The following RIPK1 variants were observed in gnomAD, a reference collection of about 807,000 sequenced individuals.
RIPK1 encodes receptor-interacting serine/threonine-protein kinase 1.
RIPK1 carries 27 observed loss-of-function variants against 62.4 expected under a neutral mutation model. The observed-to-expected ratio is 0.43, with a 90% CI of 0.32 to 0.60. The LOEUF is 0.60. RIPK1 is among the 20% of genes least tolerant of loss of function. RIPK1 has a pLI of 0.07. For missense variants in RIPK1, 735 were observed against 831.0 expected (o/e 0.88, Z 1.42); for synonymous variants, 287 against 303.2 (o/e 0.95, Z 0.55).
At chr6:3,108,381 C>T (rs569471282) in intron 9 of RIPK1, among the ~76,000 whole-genome samples, 42 of 152,242 alleles carry the variant, frequency 2.8e-4, no homozygotes, top group African/African-American at 8.9e-4. Flanking sequence ...GTATTGCATT[C>T]GTTTCTCCAC....
intron 1 of RIPK1, among the ~76,000 whole-genome samples, chr6:3,069,085 C>G (rs1464521653): frequency 1.3e-5 from 2 of 152,226 alleles, no homozygotes; most frequent in Non-Finnish European, 2.9e-5. Flanking sequence ...GGACTGGTAG[C>G]GGGCGGAGAC....
intron 2 of RIPK1, among the ~76,000 whole-genome samples, chr6:3,077,414 C>T (rs1308900072): frequency 6.6e-6 from 1 of 151,408 alleles, no homozygotes; most frequent in African/African-American, 2.4e-5. Context: ...AGAGTGGTTT[C>T]ACCTCTCTCC....
intron 1 of RIPK1, among the ~76,000 whole-genome samples, chr6:3,074,308 A>C (rs949685902): frequency 6.6e-6 from 1 of 152,228 alleles, no homozygotes; most frequent in Non-Finnish European, 1.5e-5. Context: ...CTTTTGTATA[A>C]GGCGACTTTC....
chr6:3,113,350 G>C lies in RIPK1; in HGVS notation c.*11G>C. 6.2e-7 allele frequency: 1 copy of C among 1,607,558 alleles called. No individual in the cohort carries two copies. Among genetic ancestry groups the C allele is most frequent in the Non-Finnish European group, 8.5e-7 (1 of 1,176,058 alleles). ...GTCAGCCAGAACTAACCCTGGATGG[G>C]CTACGGCAGCTGAAGTGGACGCCTC... On this transcript the variant is annotated 3_prime_UTR_variant, in exon 11 of 11. Transcript: ENST00000259808. The surrounding 1 kb of genome is among the most constrained non-coding windows in gnomAD (Gnocchi z 5.0).
chr6:3,089,891 C>G (rs901060782), intron 7 of RIPK1, among the ~76,000 whole-genome samples: 2 of 152,180 alleles, frequency 1.3e-5, no homozygotes, highest in African/African-American at 4.8e-5. Flanking sequence ...AAAACAAAAG[C>G]ACAATGTCAC....
Position 3,099,444 on chromosome 6 carries a change from T to C in RIPK1, c.916-4781T>C, listed in dbSNP as rs371416052. ...CTGCAGTCCCAGCTACTTGGGAGGC[T>C]GAGGCAGGAGAATGGTGTGAACCCA... On this transcript the variant is annotated intron_variant, in intron 7 of 10. Coordinates refer to ENST00000259808, the MANE Select transcript of RIPK1 (RefSeq NM_001354930.2). 5.3e-5 allele frequency among the ~76,000 whole-genome samples: 8 copies of C among 152,124 alleles called. No individual in the cohort carries two copies. In the East Asian group the frequency reaches 1.3e-3, roughly 26 times the overall value.
rs1416930998 is a variant in RIPK1 at position 3,095,399 on chromosome 6, TAC to T, written c.915+5744_915+5745del. On this transcript the variant is annotated intron_variant, in intron 7 of 10. Coordinates refer to ENST00000259808, the MANE Select transcript of RIPK1 (RefSeq NM_001354930.2). ...CAATGAAGAAATTATGTCAATCTTA[TAC>T]AGTTTTCTCTAGATAATAGAGAAGA... is the stretch of plus-strand genomic sequence containing the variant. Among the ~76,000 whole-genome samples the T allele has an allele frequency of 2.6e-5, 4 of 152,220 alleles. No homozygotes were observed. In the East Asian group the frequency reaches 5.8e-4, roughly 22 times the overall value.
chr6:3,081,845 A>G (rs1759399107), intron 4 of RIPK1, among the ~76,000 whole-genome samples: 1 of 113,600 alleles, frequency 8.8e-6, no homozygotes, highest in Non-Finnish European at 1.7e-5. Flanking sequence ...GGGCAACAAG[A>G]GCGAAACTCT....
intron 7 of RIPK1, among the ~76,000 whole-genome samples, chr6:3,098,095 A>C (rs749837434): frequency 3.3e-5 from 5 of 152,186 alleles, no homozygotes; most frequent in African/African-American, 4.8e-5. Flanking sequence ...GCTACTCAGG[A>C]GGCTGAGATG....
chr6:3,087,156 TTGTC>T lies in RIPK1; in HGVS notation c.838+1750_838+1753del, dbSNP rs1457075858. 3.3e-5 allele frequency among the ~76,000 whole-genome samples: 5 copies of T among 152,332 alleles called. No homozygotes were observed. The East Asian group carries it at 9.6e-4, about 29-fold the overall frequency. On this transcript the variant is annotated intron_variant, in intron 6 of 10. Coordinates refer to ENST00000259808, the MANE Select transcript of RIPK1 (RefSeq NM_001354930.2). ...TTTTTCTCTTGCTGCTTTCAAGACT[TTGTC>T]TTTATTTTTCAGAGATTTAGTTGTT...
intron 7 of RIPK1, among the ~76,000 whole-genome samples, chr6:3,099,831 A>G (rs1038212421): frequency 2.0e-5 from 3 of 152,240 alleles, no homozygotes; most frequent in African/African-American, 7.2e-5. Flanking sequence ...CCACAAGCCC[A>G]TAAGTTTGGC....
chr6:3,086,981 C>G (rs1483617638), intron 6 of RIPK1, among the ~76,000 whole-genome samples: 1 of 152,220 alleles, frequency 6.6e-6, no homozygotes, highest in Non-Finnish European at 1.5e-5. Context: ...TAGGTGCTAC[C>G]TGCCATGAAC....
chr6:3,065,919 A>T (rs927564661), upstream of RIPK1, among the ~76,000 whole-genome samples: 1 of 152,238 alleles, frequency 6.6e-6, no homozygotes, highest in Non-Finnish European at 1.5e-5. Context: ...ATGAAGCAAA[A>T]ACAACGCATT....
At chr6:3,109,862 C>G (rs1000126978) in intron 9 of RIPK1, among the ~76,000 whole-genome samples, 4 of 152,188 alleles carry the variant, frequency 2.6e-5, no homozygotes, top group African/African-American at 9.7e-5. Flanking sequence ...GTCTAGGTAC[C>G]TCATGTGAGT....
chr6:3,068,242 G>C (rs999167847), upstream of RIPK1: 1 of 985,416 alleles, frequency 1.0e-6, no homozygotes, highest in Non-Finnish European at 1.2e-6. Flanking sequence ...GAATCCTCCG[G>C]ATAGCGCCCC....
intron 1 of RIPK1, among the ~76,000 whole-genome samples, chr6:3,075,415 C>G (rs568158245): frequency 6.6e-6 from 1 of 152,342 alleles, no homozygotes; most frequent in South Asian, 2.1e-4. Flanking sequence ...GATGGACATT[C>G]TCCAAATTCT....
Position 3,079,722 on chromosome 6 carries a change from G to A in RIPK1, c.322-1257G>A, listed in dbSNP as rs1322225240. Among the ~76,000 whole-genome samples the A allele has an allele frequency of 2.0e-5, 3 of 152,354 alleles. No individual in the cohort carries two copies. The East Asian group carries it at 5.8e-4, about 29-fold the overall frequency. On this transcript the variant is annotated intron_variant, in intron 3 of 10. Coordinates refer to ENST00000259808, the MANE Select transcript of RIPK1 (RefSeq NM_001354930.2). ...ATCTCACAAAAATACCCTTGGGAAG[G>A]AGAAGAGGTGATCACTTATACGCAT...
rs371774157 is a variant in RIPK1, at chr6:3,087,688, C to T, written c.839-1893C>T. 1.3e-3 allele frequency among the ~76,000 whole-genome samples: 195 copies of T among 152,030 alleles called. 6 individuals carry two copies. The highest frequency in any genetic ancestry group is 4.4e-3 in the African/African-American group (184 of 41,424). ...CCGAGTAGCTGGGACTACAGACACC[C>T]GCCACCACACCTGGCTAATTTTTTG... On this transcript the variant is annotated intron_variant, in intron 6 of 10. Transcript: ENST00000259808.
intron 6 of RIPK1, chr6:3,088,668 G>A (rs773175082): frequency 1.4e-4 from 21 of 152,592 alleles, no homozygotes; most frequent in Non-Finnish European, 2.8e-4. Context: ...GGAGCCACAG[G>A]GTTTTTTCTG....
Sources: allele counts gnomAD v4.1 joint callset (sites outside exome capture counted in the v4.1 genomes callset), GRCh38; gene constraint gnomAD v4.1.1; non-coding constraint Gnocchi (gnomAD v3.1); transcripts MANE v1.5; gene names NCBI Gene and HGNC (gene_info 2026-07-23, HGNC 2026-07-21).